BMERB1: variants seen among roughly 807,000 people sequenced by gnomAD.
The protein encoded by BMERB1 is bMERB domain containing 1.
BMERB1 carries 12 observed loss-of-function variants against 23.6 expected under a neutral mutation model. The observed-to-expected ratio is 0.51, with a 90% CI of 0.33 to 0.82. The LOEUF (loss-of-function observed/expected upper bound fraction) is 0.82. Ranked by LOEUF, BMERB1 falls within the 40% of genes least tolerant of loss-of-function variation. The probability of loss-of-function intolerance (pLI) is 0.03; values close to 1 mark genes in which losing one functional copy is unlikely to be tolerated. For missense variants in BMERB1, 247 were observed against 255.4 expected (o/e 0.97, Z 0.22); for synonymous variants, 122 against 96.6 (o/e 1.26, Z -1.54).
chr16:15,494,247 T>C (rs1200544854), intron 1 of BMERB1, among the ~76,000 whole-genome samples: 2 of 152,172 alleles, frequency 1.3e-5, no homozygotes, highest in African/African-American at 4.8e-5. Context: ...ATTTCCACAA[T>C]TTTAATTCCA....
chr16:15,476,853 G>C (rs1245755113), intron 1 of BMERB1, among the ~76,000 whole-genome samples: 1 of 152,208 alleles, frequency 6.6e-6, no homozygotes, highest in African/African-American at 2.4e-5. Context: ...TACCCCAGCA[G>C]GGGAATCAGA....
rs141283614 is a variant in BMERB1, at chr16:15,565,600, G to A, written c.231-2383G>A. On this transcript the variant is annotated intron_variant, in intron 2 of 5. Transcript: ENST00000300006. ...ACAGTGGCTCACGCCTGTAATCCCA[G>A]CACTTTGGAAGGCCAAGGCGGGAGG... 3.3e-5 allele frequency among the ~76,000 whole-genome samples: 5 copies of A among 152,318 alleles called. No homozygotes were observed. In the East Asian group the frequency reaches 9.7e-4, roughly 29 times the overall value.
chr16:15,519,230 C>G (rs142704600), intron 2 of BMERB1, among the ~76,000 whole-genome samples: 1 of 152,038 alleles, frequency 6.6e-6, no homozygotes, highest in Non-Finnish European at 1.5e-5. Context: ...GAAAGACTCC[C>G]GGTGGCCGTA....
intron 1 of BMERB1, among the ~76,000 whole-genome samples, chr16:15,493,003 C>T (rs1371384221): frequency 7.6e-6 from 1 of 132,128 alleles, no homozygotes; most frequent in Non-Finnish European, 1.6e-5. Flanking sequence ...CTTGTCTCAC[C>T]ATCAGAAAAA....
intron 2 of BMERB1, among the ~76,000 whole-genome samples, chr16:15,517,983 ATGTG>A (rs1166039761): frequency 9.0e-6 from 1 of 110,598 alleles, no homozygotes; most frequent in Admixed American, 8.5e-5. Flanking sequence ...GTGCGTGTGG[ATGTG>A]TGTGCATGTG....
At chr16:15,571,767 G>T (rs972091802) in intron 3 of BMERB1, among the ~76,000 whole-genome samples, 1 of 151,862 alleles carries the variant, frequency 6.6e-6, no homozygotes, top group African/African-American at 2.4e-5. Context: ...ATCCTAACAG[G>T]TAGGGGACTA....
At chr16:15,505,887 CAAA>C (rs754187273) in intron 1 of BMERB1, among the ~76,000 whole-genome samples, 5 of 55,634 alleles carry the variant, frequency 9.0e-5, no homozygotes, top group Non-Finnish European at 1.3e-4. Context: ...GACGCCGTTT[CAAA>C]AAAAAAAAAA....
At chr16:15,482,525 G>T (rs2051330247) in intron 1 of BMERB1, among the ~76,000 whole-genome samples, 1 of 152,086 alleles carries the variant, frequency 6.6e-6, no homozygotes, top group Non-Finnish European at 1.5e-5. Flanking sequence ...GTGAGTTGGA[G>T]GCAGCAGCTG....
chr16:15,541,142 C>T (rs2052074971), intron 2 of BMERB1, among the ~76,000 whole-genome samples: 1 of 152,066 alleles, frequency 6.6e-6, no homozygotes. Context: ...ACTCACAGAG[C>T]TCAGGAAAGC....
chr16:15,556,873 C>T (rs944823044), intron 2 of BMERB1, among the ~76,000 whole-genome samples: 1 of 152,276 alleles, frequency 6.6e-6, no homozygotes, highest in Middle Eastern at 3.4e-3. Context: ...CGTGAGCCAC[C>T]GCGCCCGGCC....
chr16:15,575,443 C>T (rs73501204), intron 3 of BMERB1, among the ~76,000 whole-genome samples: 1,719 of 152,274 alleles, frequency 0.011, 30 homozygotes, highest in African/African-American at 0.04. Flanking sequence ...CCTAGAATTT[C>T]CTTTGAGGGA....
intron 1 of BMERB1, among the ~76,000 whole-genome samples, chr16:15,448,700 G>A (rs2051012674): frequency 6.6e-6 from 1 of 152,212 alleles, no homozygotes; most frequent in Non-Finnish European, 1.5e-5. Flanking sequence ...GCTGAGGCAT[G>A]AGAATCGCTT....
Position 15,434,695 on chromosome 16 carries a change from G to A in BMERB1, c.42G>A (p.Glu14=). 6.2e-7 allele frequency: 1 copy of A among 1,601,784 alleles called. No individual in the cohort carries two copies. The highest frequency in any genetic ancestry group is 1.3e-5 in the African/African-American group (1 of 74,464). Residue 14 remains glutamate (E), a synonymous_variant, in exon 1 of 6, where the codon GAG becomes GAA. Coordinates refer to ENST00000300006, the MANE Select transcript of BMERB1 (RefSeq NM_033201.3). The part of the protein sequence containing the change: ...KQSLSTHLEA[E]KPLRRYGAVE... The stretch of plus-strand genomic sequence containing the variant: ...CTTTGTCCACCCATCTGGAAGCCGA[G>A]AAGCCTCTGAGGCGCTATGGGGCGG...
intron 1 of BMERB1, among the ~76,000 whole-genome samples, chr16:15,447,601 A>G (rs544154622): frequency 6.6e-6 from 1 of 152,320 alleles, no homozygotes; most frequent in African/African-American, 2.4e-5. Context: ...AATGGTGGCG[A>G]TCATGTTAAT....
chr16:15,551,829 A>G (rs1193882408), intron 2 of BMERB1, among the ~76,000 whole-genome samples: 2 of 152,172 alleles, frequency 1.3e-5, no homozygotes, highest in African/African-American at 4.8e-5. Flanking sequence ...GGCAGGAGAG[A>G]GACAGCACAA....
At chr16:15,453,609 C>T (rs1176777778) in intron 1 of BMERB1, among the ~76,000 whole-genome samples, 1 of 152,004 alleles carries the variant, frequency 6.6e-6, no homozygotes, top group Non-Finnish European at 1.5e-5. Flanking sequence ...CGAGGTGGCT[C>T]ACCTGTAATC....
intron 1 of BMERB1, among the ~76,000 whole-genome samples, chr16:15,502,644 C>G (rs2051542666): frequency 6.6e-6 from 1 of 152,154 alleles, no homozygotes; most frequent in South Asian, 2.1e-4. Context: ...AGAGTGCCAC[C>G]AGGAGCCTTT....
At chr16:15,538,031 A>T (rs1308116516) in intron 2 of BMERB1, among the ~76,000 whole-genome samples, 1 of 152,228 alleles carries the variant, frequency 6.6e-6, no homozygotes, top group Non-Finnish European at 1.5e-5. Context: ...AAAACTGCTC[A>T]TTTAGATAAT....
At chr16:15,518,694 G>A (rs2150953977) in intron 2 of BMERB1, among the ~76,000 whole-genome samples, 1 of 152,178 alleles carries the variant, frequency 6.6e-6, no homozygotes, top group African/African-American at 2.4e-5. Flanking sequence ...AGTAATGGGA[G>A]GTTACAAAAT....
Sources: allele counts gnomAD v4.1 joint callset (sites outside exome capture counted in the v4.1 genomes callset), GRCh38; gene constraint gnomAD v4.1.1; transcripts MANE v1.5; gene names NCBI Gene and HGNC (gene_info 2026-07-23, HGNC 2026-07-21).